PPP2R5E: variants seen among roughly 807,000 people sequenced by gnomAD.
PPP2R5E encodes the protein protein phosphatase 2 regulatory subunit B'epsilon.
PPP2R5E carries 4 observed loss-of-function variants against 65.3 expected under a neutral mutation model. The ratio of observed to expected loss-of-function variants is 0.06; its 90% CI spans 0.03 to 0.14. The LOEUF is 0.14. Among genes scored for constraint, PPP2R5E ranks in the 10% least tolerant of loss-of-function variants. The pLI, the probability that PPP2R5E is intolerant of heterozygous loss-of-function variation, is 1.00. For missense variants in PPP2R5E, 274 were observed against 556.1 expected (o/e 0.49, Z 5.10); for synonymous variants, 183 against 187.4 (o/e 0.98, Z 0.19).
chr14:63,471,985 C>G (rs1002061572), intron 2 of PPP2R5E, among the ~76,000 whole-genome samples: 1 of 152,142 alleles, frequency 6.6e-6, no homozygotes, highest in Non-Finnish European at 1.5e-5. Context: ...TCCAGCTGGC[C>G]TGTTATTTCT....
chr14:63,491,793 G>A (rs370202412), intron 2 of PPP2R5E, among the ~76,000 whole-genome samples: 2 of 152,244 alleles, frequency 1.3e-5, no homozygotes, highest in South Asian at 2.1e-4. Flanking sequence ...GTTGCAGTGA[G>A]CAGAGATTGC....
At chr14:63,529,969 C>G (rs768769698) in intron 2 of PPP2R5E, among the ~76,000 whole-genome samples, 1 of 151,912 alleles carries the variant, frequency 6.6e-6, no homozygotes, top group South Asian at 2.1e-4. Flanking sequence ...GCAGCTAACA[C>G]GATACTCAGA....
At chr14:63,441,672 G>A (rs1175882686) in intron 3 of PPP2R5E, among the ~76,000 whole-genome samples, 1 of 152,198 alleles carries the variant, frequency 6.6e-6, no homozygotes, top group African/African-American at 2.4e-5. Context: ...AGCACTTTGG[G>A]AGGCCGAGGC....
At position 63,407,550 on chromosome 14, in the gene PPP2R5E, A is replaced by AT. The variant is rs35078468; in HGVS notation, c.549+7589dup. 8.6e-5 allele frequency among the ~76,000 whole-genome samples: 13 copies of AT among 151,998 alleles called. No homozygotes were observed. The South Asian group carries it at 1.0e-3, about 12-fold the overall frequency. On this transcript the variant is annotated intron_variant, in intron 5 of 13. Transcript: ENST00000337537. Reference sequence around the variant, plus strand: ...CTTATTGATTACAACATATATGCTTATTTTTTTTATATAAAAAATAGAGAT... The same window carrying AT: ...CTTATTGATTACAACATATATGCTTATTTTTTTTTATATAAAAAATAGAGAT...
At chr14:63,472,259 C>T (rs1009253506) in intron 2 of PPP2R5E, among the ~76,000 whole-genome samples, 1 of 152,090 alleles carries the variant, frequency 6.6e-6, no homozygotes, top group South Asian at 2.1e-4. Flanking sequence ...GAGATCACGC[C>T]ATTTCACTCC....
chr14:63,384,936 C>T (rs1446531230), intron 11 of PPP2R5E, among the ~76,000 whole-genome samples: 3 of 152,070 alleles, frequency 2.0e-5, no homozygotes, highest in East Asian at 3.9e-4. Flanking sequence ...CCTCGTGATC[C>T]GCCCACCTCA....
chr14:63,391,129 G>A lies in PPP2R5E; in HGVS notation c.954+688C>T, dbSNP rs182491807. 5.9e-3 allele frequency among the ~76,000 whole-genome samples: 904 copies of A among 152,240 alleles called. 4 individuals are homozygous for A. The highest frequency in any genetic ancestry group is 0.016 in the South Asian group (79 of 4,822). On this transcript the variant is annotated intron_variant, in intron 10 of 13. Coordinates refer to ENST00000337537, the MANE Select transcript of PPP2R5E (RefSeq NM_006246.5). ...ACAGCAAAACCTTCATATTATGAAGGGGGCCACTCGGAAGGGAACATCAAC... is the reference window on the plus strand; with the variant it reads ...ACAGCAAAACCTTCATATTATGAAGAGGGCCACTCGGAAGGGAACATCAAC...
intron 2 of PPP2R5E, among the ~76,000 whole-genome samples, chr14:63,501,404 CAA>C (rs140023470): frequency 4.9e-4 from 43 of 87,070 alleles, no homozygotes; most frequent in African/African-American, 6.1e-4. Flanking sequence ...GACTCCGTCT[CAA>C]AAAAAAAAAA....
intron 3 of PPP2R5E, among the ~76,000 whole-genome samples, chr14:63,441,076 T>C (rs1888213640): frequency 6.6e-6 from 1 of 152,148 alleles, no homozygotes; most frequent in African/African-American, 2.4e-5. Context: ...ATCTACAAAA[T>C]GGTATCTATT....
At chr14:63,429,311 C>T (rs1258060191) in intron 3 of PPP2R5E, among the ~76,000 whole-genome samples, 1 of 152,140 alleles carries the variant, frequency 6.6e-6, no homozygotes, top group East Asian at 1.9e-4. Flanking sequence ...TACAATATTG[C>T]AAGCATATCA....
intron 2 of PPP2R5E, among the ~76,000 whole-genome samples, chr14:63,466,528 T>G (rs974599745): frequency 1.3e-5 from 2 of 152,226 alleles, no homozygotes; most frequent in Non-Finnish European, 2.9e-5. Context: ...AGTCCCCTAA[T>G]TGTGAAGCTC....
intron 5 of PPP2R5E, among the ~76,000 whole-genome samples, chr14:63,401,604 G>A (rs1885754849): frequency 6.6e-6 from 1 of 152,134 alleles, no homozygotes; most frequent in Non-Finnish European, 1.5e-5. Context: ...ATGAAAAAGG[G>A]CTGTAAGGGT....
intron 11 of PPP2R5E, among the ~76,000 whole-genome samples, chr14:63,387,756 C>T (rs1172131159): frequency 1.3e-5 from 2 of 152,112 alleles, no homozygotes; most frequent in Non-Finnish European, 2.9e-5. Context: ...TATTTGGACA[C>T]AAGACTTTTA....
intron 3 of PPP2R5E, among the ~76,000 whole-genome samples, chr14:63,433,008 C>G (rs534877281): frequency 5.5e-4 from 82 of 148,684 alleles, no homozygotes; most frequent in African/African-American, 1.9e-3. Flanking sequence ...GCGCCACATA[C>G]AGTTTTGTTT....
At chr14:63,421,800 T>C (rs1887039765) in intron 4 of PPP2R5E, among the ~76,000 whole-genome samples, 193 bp downstream of exon 4, 1 of 152,168 alleles carries the variant, frequency 6.6e-6, no homozygotes, top group African/African-American at 2.4e-5. Flanking sequence ...CACTAAAGCA[T>C]CACACTGACA....
At chr14:63,537,040 T>G (rs948897186) in intron 2 of PPP2R5E, among the ~76,000 whole-genome samples, 3 of 152,208 alleles carry the variant, frequency 2.0e-5, no homozygotes, top group Admixed American at 2.0e-4. Flanking sequence ...ACCATAATTT[T>G]TTAAAATGAG....
rs887504198 is a variant in PPP2R5E, at chr14:63,519,703, C to G, written c.157+19826G>C. 1.0e-4 allele frequency among the ~76,000 whole-genome samples: 15 copies of G among 150,594 alleles called. 1 individual carries two copies. The highest frequency in any genetic ancestry group is 3.0e-5 in the Non-Finnish European group (2 of 67,756). ...TTTTGAGACAGAGTTGCTCTGTTAC[C>G]GAGGCTGGAGTGCAGCGGCGCAATC... On this transcript the variant is annotated intron_variant, in intron 2 of 13. Transcript: ENST00000337537.
At chr14:63,411,725 A>T (rs182306687) in intron 5 of PPP2R5E, among the ~76,000 whole-genome samples, 1 of 149,096 alleles carries the variant, frequency 6.7e-6, no homozygotes, top group Admixed American at 6.7e-5. Flanking sequence ...CTCTCTCACC[A>T]CGTGACACAC....
chr14:63,470,852 A>T (rs1367922363), intron 2 of PPP2R5E, among the ~76,000 whole-genome samples: 1 of 151,918 alleles, frequency 6.6e-6, no homozygotes, highest in East Asian at 1.9e-4. Context: ...AAATTACAGC[A>T]TCCTAATAAA....
Sources: allele counts gnomAD v4.1 joint callset (sites outside exome capture counted in the v4.1 genomes callset), GRCh38; gene constraint gnomAD v4.1.1; transcripts MANE v1.5; gene names NCBI Gene and HGNC (gene_info 2026-07-23, HGNC 2026-07-21).